The following UBR3 variants were observed in gnomAD, a reference collection of about 807,000 sequenced individuals.
UBR3 encodes the protein E3 ubiquitin-protein ligase UBR3.
UBR3 carries 85 observed loss-of-function variants against 243.2 expected under a neutral mutation model. That is an observed-to-expected ratio of 0.35 (90% CI 0.29 to 0.42). UBR3 has a LOEUF of 0.42. Ranked by LOEUF, UBR3 falls within the 10% of genes least tolerant of loss-of-function variation. The pLI, the probability that UBR3 is intolerant of heterozygous loss-of-function variation, is 1.00. For synonymous variants in UBR3, 748 were observed against 799.8 expected, an observed-to-expected ratio of 0.94 and a Z score of 1.09; for missense variants, 1,686 against 2,300.8, an observed-to-expected ratio of 0.73 and a Z score of 5.47.
At chr2:169,886,478 C>T (rs1222300080) in intron 5 of UBR3, among the ~76,000 whole-genome samples, 1 of 152,068 alleles carries the variant, frequency 6.6e-6, no homozygotes, top group African/African-American at 2.4e-5. Flanking sequence ...TCGCATATTT[C>T]TTGTTTTGCC....
At chr2:170,029,850 T>G (rs1250758726) in intron 31 of UBR3, among the ~76,000 whole-genome samples, 1 of 152,106 alleles carries the variant, frequency 6.6e-6, no homozygotes, top group Non-Finnish European at 1.5e-5. Flanking sequence ...AATCCATTAT[T>G]TCATTAGGTG....
At chr2:169,922,381 A>G (rs1480339501) in intron 11 of UBR3, among the ~76,000 whole-genome samples, 1 of 152,062 alleles carries the variant, frequency 6.6e-6, no homozygotes, top group Non-Finnish European at 1.5e-5. Context: ...TAGTTAGTGT[A>G]GAATATGTTA....
intron 33 of UBR3, among the ~76,000 whole-genome samples, chr2:170,059,829 C>G (rs2105446052): frequency 6.6e-6 from 1 of 152,274 alleles, no homozygotes; most frequent in South Asian, 2.1e-4. Context: ...CACACCCAAG[C>G]AAGTTCCAAG....
chr2:170,060,929 TAC>T (rs1457809560), intron 33 of UBR3, 148 bp from the exon 34 acceptor site: 1 of 508,146 alleles, frequency 2.0e-6, no homozygotes, highest in Non-Finnish European at 3.3e-6. Context: ...TCCAGAGGTG[TAC>T]AGTTTTACCC....
chr2:169,949,580 C>T (rs1238838993), intron 22 of UBR3, 25 bp from the exon 23 acceptor site: 2 of 1,480,036 alleles, frequency 1.4e-6, no homozygotes, highest in Non-Finnish European at 9.0e-7. Context: ...CTTGATTTTT[C>T]TTTGTTTCTC....
intron 6 of UBR3, among the ~76,000 whole-genome samples, chr2:169,893,215 A>G (rs991645789): frequency 6.6e-6 from 1 of 152,212 alleles, no homozygotes; most frequent in Admixed American, 6.5e-5. Flanking sequence ...ATTGAATTCT[A>G]CATAACTGCA....
Position 169,827,483 on chromosome 2 carries a change from ACT to A in UBR3, c.-21_-20del, listed in dbSNP as rs1573984034. On this transcript the variant is annotated 5_prime_UTR_variant, in exon 1 of 39. Transcript: ENST00000272793. ...TCCCTGGAGGAGCCGCTGGCCCTGG[ACT>A]CTCCAAATTCTGAGCTCTCATCATG... 2.5e-6 allele frequency: 3 copies of A among 1,224,160 alleles called. No individual in the cohort carries two copies. Among genetic ancestry groups the A allele is most frequent in the Non-Finnish European group, 3.1e-6 (3 of 983,294 alleles). 75.8% of individuals were successfully genotyped at this position (1,224,160 alleles called of 1,614,324 possible). A position where few individuals can be genotyped will look rare whatever the true frequency, so the allele number is the denominator to read the frequency against.
At chr2:169,927,025 C>A in intron 16 of UBR3, 54 bp downstream of exon 16, 8 of 1,523,824 alleles carry the variant, frequency 5.2e-6, no homozygotes, top group Non-Finnish European at 7.1e-6. Context: ...TCCCTTTCTC[C>A]CCCTCCCTGT....
At chr2:169,874,999 T>TC (rs1553500524) in intron 2 of UBR3, among the ~76,000 whole-genome samples, 4 of 150,422 alleles carry the variant, frequency 2.7e-5, no homozygotes, top group Non-Finnish European at 5.9e-5. Flanking sequence ...TGTCCAAGCT[T>TC]TTCTTTCTCT....
intron 5 of UBR3, among the ~76,000 whole-genome samples, chr2:169,881,480 C>T (rs1221580620): frequency 6.6e-6 from 1 of 151,426 alleles, no homozygotes; most frequent in Non-Finnish European, 1.5e-5. Context: ...TGCCCAGCCC[C>T]AGAAAGCTAA....
intron 28 of UBR3, among the ~76,000 whole-genome samples, chr2:170,008,255 G>A (rs1356815123): frequency 6.6e-6 from 1 of 152,124 alleles, no homozygotes; most frequent in Non-Finnish European, 1.5e-5. Context: ...GGTTTATGTA[G>A]TAAATTTGTG....
intron 35 of UBR3, among the ~76,000 whole-genome samples, chr2:170,067,213 A>C (rs1180761893): frequency 1.3e-5 from 2 of 152,168 alleles, no homozygotes; most frequent in African/African-American, 4.8e-5. Flanking sequence ...TCCTATCATA[A>C]GCTGGAAAAA....
chr2:169,996,693 G>T (rs13020009), intron 26 of UBR3, among the ~76,000 whole-genome samples: 3,266 of 64,188 alleles, frequency 0.051, 482 homozygotes, highest in Middle Eastern at 0.1. Flanking sequence ...TTGGACTTTT[G>T]TTTTTTTTTT....
At chr2:169,891,264 AT>A (rs2084363156) in intron 6 of UBR3, 33 bp downstream of exon 6, 2 of 1,500,714 alleles carry the variant, frequency 1.3e-6, no homozygotes, top group Non-Finnish European at 1.8e-6. Flanking sequence ...TTTTCCTTGA[AT>A]AAAATGCTTC....
intron 1 of UBR3, among the ~76,000 whole-genome samples, chr2:169,867,626 C>CT (rs1255090419): frequency 6.6e-6 from 1 of 152,154 alleles, no homozygotes; most frequent in Non-Finnish European, 1.5e-5. Context: ...TTTACACTTC[C>CT]ATGTATACAA....
At position 169,827,526 on chromosome 2, in the gene UBR3, G is replaced by C. The variant is rs1278384561; in HGVS notation, c.19G>C (p.Ala7Pro). ...TCTCATCATGGCGGCGGCGGCCGCG[G>C]CGGCCGTCGGGGGCCAGCAGCCGTC... MAAAAAAAVGGQQPSQP... is the reference protein window; with the variant it reads MAAAAAPAVGGQQPSQP... The change falls in exon 1 of 39, where the codon GCG becomes CCG. Residue 7 changes from alanine to proline, a missense_variant. By Grantham distance (27) the Ala-to-Pro change is conservative. Coordinates refer to ENST00000272793, the MANE Select transcript of UBR3 (RefSeq NM_172070.4). 8.1e-7 allele frequency: 1 copy of C among 1,230,704 alleles called. No homozygotes were observed. Among genetic ancestry groups the C allele is most frequent in the Admixed American group, 4.3e-5 (1 of 23,440 alleles). The allele number at this position is 1,230,704 out of a possible 1,614,324, so 76.2% of individuals were successfully genotyped here.
chr2:170,020,397 G>T (rs1178326738), intron 30 of UBR3, among the ~76,000 whole-genome samples: 1 of 152,176 alleles, frequency 6.6e-6, no homozygotes, highest in Non-Finnish European at 1.5e-5. Context: ...GAGCAAGTTG[G>T]TATGTATTTA....
chr2:170,015,913 T>G (rs1574401063), intron 30 of UBR3, among the ~76,000 whole-genome samples: 1 of 151,898 alleles, frequency 6.6e-6, no homozygotes, highest in Non-Finnish European at 1.5e-5. Flanking sequence ...AGATTTTTCA[T>G]GAGCATGGCT....
chr2:169,838,346 T>A (rs187413089), intron 1 of UBR3, among the ~76,000 whole-genome samples: 1 of 151,448 alleles, frequency 6.6e-6, no homozygotes, highest in African/African-American at 2.4e-5. Flanking sequence ...AGAAATTTAT[T>A]TATTCCAGTC....
Sources: gnomAD v4.1 joint callset for allele counts (sites outside exome capture counted in the v4.1 genomes callset) on GRCh38, gnomAD v4.1.1 for gene constraint, MANE v1.5 for transcripts, NCBI Gene and HGNC (gene_info 2026-07-23, HGNC 2026-07-21) for gene names.